CALN1: variants seen among roughly 807,000 people sequenced by gnomAD.
The protein encoded by CALN1 is calcium-binding protein 8.
In CALN1, 17 loss-of-function variants were observed where a neutral mutation model predicts 30.6. That is an observed-to-expected ratio of 0.56 (90% confidence interval 0.38 to 0.83). CALN1 has a LOEUF of 0.83. Among genes scored for constraint, CALN1 ranks in the 40% least tolerant of loss-of-function variants. The probability of loss-of-function intolerance (pLI) is 0.00; values close to 1 mark genes in which losing one functional copy is unlikely to be tolerated. For synonymous variants in CALN1, 156 were observed against 131.4 expected (o/e 1.19, Z -1.28); for missense variants, 291 against 354.9 (o/e 0.82, Z 1.45).
chr7:72,338,517 GTGTGTGTGTGTC>G (rs1205217848), intron 2 of CALN1, among the ~76,000 whole-genome samples: 32 of 137,628 alleles, frequency 2.3e-4, no homozygotes, highest in African/African-American at 9.2e-4. Context: ...GTGTGTGTGT[GTGTGTGTGTGTC>G]TCACCTGGGT....
chr7:72,503,280 G>A, the CALN1 span, among the ~76,000 whole-genome samples: 1 of 152,080 alleles, frequency 6.6e-6, no homozygotes, highest in Non-Finnish European at 1.5e-5. Flanking sequence ...TATTTCCATT[G>A]CAGTGCCCTG....
intron 3 of CALN1, among the ~76,000 whole-genome samples, chr7:72,141,588 G>C (rs552288982): frequency 2.0e-5 from 3 of 151,502 alleles, no homozygotes; most frequent in African/African-American, 7.3e-5. Context: ...TTTTTTTCAA[G>C]ACGGAGTTTC....
At chr7:71,791,673 C>T (rs1357231443) in intron 6 of CALN1, among the ~76,000 whole-genome samples, 2 of 152,144 alleles carry the variant, frequency 1.3e-5, no homozygotes, top group African/African-American at 4.8e-5. Context: ...ACCTACAGAA[C>T]AAACCTGCAC....
the CALN1 span, among the ~76,000 whole-genome samples, chr7:72,501,928 A>ATATAT: frequency 1.3e-3 from 74 of 57,940 alleles, 6 homozygotes; most frequent in African/African-American, 6.8e-3. Flanking sequence ...AAAAAAAAAA[A>ATATAT]ATATATATAT....
At chr7:71,909,219 C>G (rs1475846450) in intron 5 of CALN1, among the ~76,000 whole-genome samples, 1 of 152,122 alleles carries the variant, frequency 6.6e-6, no homozygotes, top group Non-Finnish European at 1.5e-5. Context: ...TGCTGTGTTG[C>G]CCAGGTTGGC....
intron 5 of CALN1, among the ~76,000 whole-genome samples, chr7:71,971,970 AAAG>A (rs1562946735): frequency 1.5e-5 from 2 of 137,314 alleles, no homozygotes; most frequent in South Asian, 2.3e-4. Flanking sequence ...AGAAAGAAAG[AAAG>A]AAAGAAAGAA....
Position 72,171,578 on chromosome 7 carries a change from T to C in CALN1, c.245-65284A>G, listed in dbSNP as rs115366594. On this transcript the variant is annotated intron_variant, in intron 3 of 6. Transcript: ENST00000395275. ...GAAAAACATCTGAAAACCTGTATTA[T>C]TTAGCCTCGTATGTTCTCAGTACAA... Among the ~76,000 whole-genome samples the C allele has an allele frequency of 2.0e-3, 308 of 152,316 alleles. 1 individual carries two copies. The highest frequency in any genetic ancestry group is 7.1e-3 in the African/African-American group (297 of 41,574).
chr7:72,107,125 C>A (rs774066330), intron 3 of CALN1, among the ~76,000 whole-genome samples: 1 of 152,140 alleles, frequency 6.6e-6, no homozygotes, highest in Non-Finnish European at 1.5e-5. Context: ...GTGGTCCCAG[C>A]AGAGAATCAT....
intron 5 of CALN1, among the ~76,000 whole-genome samples, chr7:71,886,815 G>A (rs1267102228): frequency 2.6e-5 from 4 of 151,838 alleles, no homozygotes; most frequent in Non-Finnish European, 5.9e-5. Context: ...TCTATGTTAT[G>A]GGGTAGCATT....
rs57431493 is a variant in CALN1 at position 72,049,142 on chromosome 7, G to A, written c.389-25373C>T. ...TGATATCATATTACCTGGTGGGTGG[G>A]GGGAGAACAATTCCAGAAGCATAAT... On this transcript the variant is annotated intron_variant, in intron 4 of 6. Coordinates refer to ENST00000395275, the MANE Select transcript of CALN1 (RefSeq NM_031468.4). Among the ~76,000 whole-genome samples, 1,306 of 152,172 alleles carry A rather than the reference G, an allele frequency of 8.6e-3. 18 individuals carry two copies. Among genetic ancestry groups the A allele is most frequent in the African/African-American group, 0.027 (1,129 of 41,514 alleles).
At chr7:71,883,108 G>A (rs1792682944) in intron 5 of CALN1, among the ~76,000 whole-genome samples, 1 of 149,858 alleles carries the variant, frequency 6.7e-6, no homozygotes, top group African/African-American at 2.5e-5. Context: ...TATGAGGATA[G>A]TGATATATAT....
chr7:72,317,708 G>A (rs993244716), intron 2 of CALN1, among the ~76,000 whole-genome samples: 2 of 152,158 alleles, frequency 1.3e-5, no homozygotes, highest in Admixed American at 6.5e-5. Flanking sequence ...AGGAAAGAAA[G>A]GGCTGAGGTT....
At chr7:71,894,149 A>T (rs1209646402) in intron 5 of CALN1, among the ~76,000 whole-genome samples, 1 of 152,138 alleles carries the variant, frequency 6.6e-6, no homozygotes, top group Non-Finnish European at 1.5e-5. Context: ...AGTGATTTTT[A>T]GTGCTTCCTT....
Position 71,971,953 on chromosome 7 carries a change from A to AGAAAGAAAGAAAGAAAG in CALN1, c.501+51703_501+51704insCTTTCTTTCTTTCTTTC, listed in dbSNP as rs1266444348. ...CTCAAAAAAAAAAAAAAAAAAAAAA[A>AGAAAGAAAGAAAGAAAG]AAAGAAAGAAAGAAAGAAAGAAAGA... On this transcript the variant is annotated intron_variant, in intron 5 of 6. Transcript: ENST00000395275. Among the ~76,000 whole-genome samples the AGAAAGAAAGAAAGAAAG allele has an allele frequency of 1.2e-3, 85 of 72,818 alleles. 1 individual carries two copies. The highest frequency in any genetic ancestry group is 5.2e-3 in the African/African-American group (74 of 14,206). The allele number at this position is 72,818 out of a possible 152,430, so 47.8% of individuals were successfully genotyped here. A position where few individuals can be genotyped will look rare whatever the true frequency, so the allele number is the denominator to read the frequency against.
chr7:72,310,265 T>C (rs1409591405), intron 2 of CALN1, among the ~76,000 whole-genome samples: 2 of 151,242 alleles, frequency 1.3e-5, no homozygotes, highest in African/African-American at 2.4e-5. Context: ...ATGGATCAAA[T>C]GGGAGTTGTA....
At chr7:72,320,357 G>A (rs958766960) in intron 2 of CALN1, among the ~76,000 whole-genome samples, 3 of 152,126 alleles carry the variant, frequency 2.0e-5, no homozygotes, top group Non-Finnish European at 2.9e-5. Flanking sequence ...CCTGAAGTGC[G>A]GGAGGATTCA....
intron 2 of CALN1, among the ~76,000 whole-genome samples, chr7:72,284,231 G>A (rs1325799188): frequency 6.6e-6 from 1 of 152,102 alleles, no homozygotes; most frequent in Non-Finnish European, 1.5e-5. Context: ...GGAGTTTGAG[G>A]CTGCAGTGAA....
intron 3 of CALN1, among the ~76,000 whole-genome samples, chr7:72,207,413 G>A (rs1484467518): frequency 1.3e-5 from 2 of 152,094 alleles, no homozygotes; most frequent in Non-Finnish European, 2.9e-5. Context: ...CTGCCAGCCT[G>A]TTTTATTTTC....
chr7:72,075,799 C>T (rs1216459820), intron 4 of CALN1, among the ~76,000 whole-genome samples: 1 of 152,120 alleles, frequency 6.6e-6, no homozygotes. Flanking sequence ...AGCCCTCAGG[C>T]CATGGGAGGT....
Sources: gnomAD v4.1 joint callset for allele counts (sites outside exome capture counted in the v4.1 genomes callset) on GRCh38, gnomAD v4.1.1 for gene constraint, MANE v1.5 for transcripts, NCBI Gene and HGNC (gene_info 2026-07-23, HGNC 2026-07-21) for gene names.